RELN: variants seen among roughly 807,000 people sequenced by gnomAD.
RELN encodes reelin.
In RELN, 108 loss-of-function variants were observed where a neutral mutation model predicts 427.6. The ratio of observed to expected loss-of-function variants is 0.25; its 90% CI spans 0.22 to 0.30. RELN has a LOEUF of 0.30. Ranked by LOEUF, RELN falls within the 10% of genes least tolerant of loss-of-function variation. The probability of loss-of-function intolerance (pLI) is 1.00; values close to 1 mark genes in which losing one functional copy is unlikely to be tolerated. For synonymous variants in RELN, 1,524 were observed against 1,513.4 expected (o/e 1.01, Z -0.16); for missense variants, 3,715 against 4,302.8 (o/e 0.86, Z 3.82).
intron 49 of RELN, among the ~76,000 whole-genome samples, chr7:103,517,822 T>C (rs903593816): frequency 6.6e-6 from 1 of 152,198 alleles, no homozygotes; most frequent in African/African-American, 2.4e-5. Context: ...AATAGGAGCC[T>C]TTTCATCCAA....
intron 4 of RELN, among the ~76,000 whole-genome samples, chr7:103,753,577 G>A (rs1220018040): frequency 6.6e-6 from 1 of 152,208 alleles, no homozygotes; most frequent in Non-Finnish European, 1.5e-5. Flanking sequence ...GTATCACAGT[G>A]CATATGAACA....
intron 2 of RELN, among the ~76,000 whole-genome samples, chr7:103,888,935 A>T (rs944296725): frequency 5.3e-5 from 8 of 152,158 alleles, no homozygotes; most frequent in African/African-American, 1.7e-4. Flanking sequence ...TGGTTCTCAG[A>T]TCCCAGGAGG....
chr7:103,625,021 C>A (rs539060543), intron 20 of RELN, among the ~76,000 whole-genome samples: 7 of 152,268 alleles, frequency 4.6e-5, no homozygotes, highest in African/African-American at 1.7e-4. Flanking sequence ...TCCTCAAGCA[C>A]CATTAATGAT....
chr7:103,635,669 T>C, intron 18 of RELN, 83 bp from the exon 19 acceptor site: 5 of 1,210,884 alleles, frequency 4.1e-6, no homozygotes, highest in South Asian at 1.2e-5. Flanking sequence ...GAATTTCAAA[T>C]TATGTTTCTA....
chr7:103,987,412 A>G (rs1203894376), intron 1 of RELN, among the ~76,000 whole-genome samples: 1 of 152,226 alleles, frequency 6.6e-6, no homozygotes, highest in East Asian at 1.9e-4. Context: ...AGGGAGCAAA[A>G]CCAAAGGGTG....
rs769532601 is a variant in RELN at position 103,574,115 on chromosome 7, G to A, written c.4488C>T (p.Val1496=). 1.2e-6 allele frequency: 2 copies of A among 1,613,958 alleles called. No individual in the cohort carries two copies. Among genetic ancestry groups the A allele is most frequent in the South Asian group, 2.2e-5 (2 of 91,076 alleles). ...ACCTGATATTCCTGGTGTCCAGAGG[G>A]ACCGTCCGGGCTTCCCTTTTCCCAG... The part of the protein sequence containing the change: ...NGPGKREART[V]PLDTRNIRLV... The change falls in exon 30 of 65, where the codon GTC becomes GTT. Residue 1496 remains valine, a synonymous_variant. Transcript: ENST00000428762.
intron 51 of RELN, among the ~76,000 whole-genome samples, chr7:103,510,097 T>C (rs910418071): frequency 1.3e-5 from 2 of 152,206 alleles, no homozygotes; most frequent in Admixed American, 1.3e-4. Flanking sequence ...CTCAAGGATC[T>C]AGAACTAGAA....
intron 1 of RELN, among the ~76,000 whole-genome samples, chr7:103,925,720 T>C (rs1795716968): frequency 6.6e-6 from 1 of 152,194 alleles, no homozygotes; most frequent in African/African-American, 2.4e-5. Context: ...AAGAAATCAT[T>C]TTGGGAGATT....
At chr7:103,635,635 A>G (rs763240540) in intron 18 of RELN, 49 bp from the exon 19 acceptor site, 7 of 1,506,164 alleles carry the variant, frequency 4.6e-6, no homozygotes, top group South Asian at 3.4e-5. Context: ...ATTTTTAATC[A>G]TAATGTTCAT....
At chr7:103,755,269 C>A (rs1210551640) in intron 4 of RELN, among the ~76,000 whole-genome samples, 1 of 151,764 alleles carries the variant, frequency 6.6e-6, no homozygotes, top group Non-Finnish European at 1.5e-5. Flanking sequence ...GAGATCGAGA[C>A]CATCCTGGCT....
Position 103,523,404 on chromosome 7 carries a change from G to C in RELN, c.7477C>G (p.Gln2493Glu). 6.2e-7 allele frequency: 1 copy of C among 1,614,110 alleles called. No homozygotes were observed. The highest frequency in any genetic ancestry group is 8.5e-7 in the Non-Finnish European group (1 of 1,180,020). The change falls in exon 47 of 65, where the codon CAG becomes GAG. Residue 2493 changes from glutamine (Q) to glutamate (E), a missense_variant. This residue lies in a region of RELN where 1,310 missense variants were observed against 1,643.0 expected (regional missense o/e 0.80). Coordinates refer to ENST00000428762, the MANE Select transcript of RELN (RefSeq NM_005045.4). Reference protein sequence around the residue: ...DMCSGHGRCIQGNCVCDEQWG... With the variant: ...DMCSGHGRCIEGNCVCDEQWG... ...AAACCGACTTACACGCAGTTTCCCT[G>C]GATGCATCTCCCATGGCCACTGCAC... is the stretch of plus-strand genomic sequence containing the variant.
At chr7:103,639,105 A>G (rs151214278) in intron 17 of RELN, among the ~76,000 whole-genome samples, 2 of 152,180 alleles carry the variant, frequency 1.3e-5, no homozygotes, top group African/African-American at 4.8e-5. Context: ...TGGATAATGG[A>G]TGCACATAAC....
At chr7:103,523,617 G>A (rs1033331520) in intron 46 of RELN, 86 bp from the exon 47 acceptor site, 3 of 1,303,044 alleles carry the variant, frequency 2.3e-6, no homozygotes, top group African/African-American at 2.9e-5. Context: ...ATGGAGAAGT[G>A]TAACACAAAA....
intron 2 of RELN, among the ~76,000 whole-genome samples, chr7:103,835,970 T>G (rs1215861181): frequency 3.0e-5 from 4 of 134,970 alleles, no homozygotes; most frequent in Non-Finnish European, 6.6e-5. Context: ...TTTTTTTTTT[T>G]TTATAGGCGG....
At chr7:103,929,184 C>T (rs903484615) in intron 1 of RELN, among the ~76,000 whole-genome samples, 2 of 152,030 alleles carry the variant, frequency 1.3e-5, no homozygotes, top group African/African-American at 4.8e-5. Flanking sequence ...TATTGCAGTA[C>T]TTATCTGATC....
At chr7:103,802,419 A>G (rs1792490441) in intron 3 of RELN, among the ~76,000 whole-genome samples, 3 of 152,206 alleles carry the variant, frequency 2.0e-5, no homozygotes, top group Admixed American at 2.0e-4. Context: ...CACAGTTAAA[A>G]GGATTATTAC....
rs369451288 is a variant in RELN, at chr7:103,915,526, G to T, written c.337+1549C>A. Among the ~76,000 whole-genome samples the T allele has an allele frequency of 2.8e-4, 43 of 152,184 alleles. 3 individuals are homozygous for T. The East Asian group carries it at 7.7e-3, about 27-fold the overall frequency. On this transcript the variant is annotated intron_variant, in intron 2 of 64. Coordinates refer to ENST00000428762, the MANE Select transcript of RELN (RefSeq NM_005045.4). ...GAATTTCTGATTCACTGTGTTTGAA[G>T]TCTACAATTCTGCAGTTACTGCTTT...
At chr7:103,568,014 C>G (rs762423493) in intron 31 of RELN, among the ~76,000 whole-genome samples, 3 of 152,108 alleles carry the variant, frequency 2.0e-5, no homozygotes, top group Non-Finnish European at 4.4e-5. Context: ...TCAGGCTGGT[C>G]TCAAACTCCT....
intron 1 of RELN, among the ~76,000 whole-genome samples, chr7:103,926,338 C>G (rs1247296667): frequency 1.3e-5 from 2 of 152,050 alleles, no homozygotes; most frequent in Non-Finnish European, 2.9e-5. Context: ...TTGTGATCCA[C>G]CCACCTCAGC....
Sources: allele counts gnomAD v4.1 joint callset (sites outside exome capture counted in the v4.1 genomes callset), GRCh38; gene constraint gnomAD v4.1.1; regional missense constraint gnomAD v4.1.1; transcripts MANE v1.5; gene names NCBI Gene and HGNC (gene_info 2026-07-23, HGNC 2026-07-21).